Variants in TMCO4 observed in about 807,000 individuals in gnomAD.
TMCO4 encodes the protein transmembrane and coiled-coil domains 4.
TMCO4 carries 58 observed loss-of-function variants against 64.7 expected under a neutral mutation model. The observed-to-expected ratio is 0.90, with a 90% CI of 0.73 to 1.12. The LOEUF (loss-of-function observed/expected upper bound fraction) is 1.12. Among genes scored for constraint, TMCO4 ranks in the 50% most tolerant of loss-of-function variants. TMCO4 has a pLI of 0.00. For synonymous variants in TMCO4, 325 were observed against 346.1 expected, an observed-to-expected ratio of 0.94 and a Z score of 0.68; for missense variants, 780 against 825.9, an observed-to-expected ratio of 0.94 and a Z score of 0.68.
chr1:19,760,570 C>T (rs1183903680), intron 6 of TMCO4, among the ~76,000 whole-genome samples: 2 of 152,216 alleles, frequency 1.3e-5, no homozygotes, highest in East Asian at 3.8e-4. Flanking sequence ...GCATGTGCTT[C>T]CATGCTCTGA....
intron 6 of TMCO4, among the ~76,000 whole-genome samples, chr1:19,764,025 A>G (rs2042622018): frequency 6.6e-6 from 1 of 152,218 alleles, no homozygotes; most frequent in South Asian, 2.1e-4. Context: ...GTCTTGGAGC[A>G]GAGGGGAGAG....
intron 13 of TMCO4, among the ~76,000 whole-genome samples, chr1:19,705,983 C>T (rs1054979685): frequency 1.3e-5 from 2 of 152,144 alleles, no homozygotes; most frequent in Admixed American, 6.5e-5. Context: ...TCACTGCAGC[C>T]TCGACCTCAC....
intron 6 of TMCO4, among the ~76,000 whole-genome samples, chr1:19,766,202 G>A (rs958521869): frequency 6.6e-6 from 1 of 152,016 alleles, no homozygotes; most frequent in African/African-American, 2.4e-5. Flanking sequence ...TGCCCACCAT[G>A]CGTCCATCCG....
At chr1:19,716,165 TTTA>T (rs35582165) in intron 13 of TMCO4, among the ~76,000 whole-genome samples, 12,022 of 144,834 alleles carry the variant, frequency 0.083, 572 homozygotes, top group Non-Finnish European at 0.096. Context: ...TTATTTTTAT[TTTA>T]TTATTATTAT....
chr1:19,755,050 T>C (rs1209788153), intron 7 of TMCO4, among the ~76,000 whole-genome samples: 1 of 152,094 alleles, frequency 6.6e-6, no homozygotes, highest in Non-Finnish European at 1.5e-5. Flanking sequence ...GAGCCTGAGG[T>C]GGAACAGGGT....
intron 2 of TMCO4, among the ~76,000 whole-genome samples, chr1:19,797,479 A>G (rs1025130830): frequency 6.6e-6 from 1 of 152,086 alleles, no homozygotes; most frequent in Non-Finnish European, 1.5e-5. Flanking sequence ...AGGGCTGTTG[A>G]TAAGTGGTCT....
chr1:19,716,687 C>T (rs543404542), intron 13 of TMCO4, among the ~76,000 whole-genome samples: 61 of 152,238 alleles, frequency 4.0e-4, no homozygotes, highest in Middle Eastern at 3.4e-3. Context: ...GCTCCCTGCA[C>T]CTGCTCTCTC....
chr1:19,727,385 C>T (rs911823718), intron 13 of TMCO4, among the ~76,000 whole-genome samples: 3 of 152,220 alleles, frequency 2.0e-5, no homozygotes, highest in African/African-American at 4.8e-5. Context: ...TACACCACTG[C>T]TGATCCCCAC....
chr1:19,686,825 A>G (rs1191553189), intron 15 of TMCO4, among the ~76,000 whole-genome samples: 1 of 152,268 alleles, frequency 6.6e-6, no homozygotes, highest in African/African-American at 2.4e-5. Context: ...CCCCATCTGT[A>G]AAATGAGAGT....
rs1447281104 is a variant in TMCO4, at chr1:19,743,240, A to G, written c.877+2292T>C. 6.6e-6 allele frequency among the ~76,000 whole-genome samples: 1 copy of G among 151,956 alleles called. No homozygotes were observed. The highest frequency in any genetic ancestry group is 2.4e-5 in the African/African-American group (1 of 41,380). On this transcript the variant is annotated intron_variant, in intron 10 of 15. Transcript: ENST00000294543. This position sits in a 1 kb window ranked among gnomAD's most constrained non-coding sequence, Gnocchi z 4.1. ...AAGCCTCAGTTTCCTCATCTGGAAA[A>G]GGGGAGTGCGAATGACAGCCACTTC... is the stretch of plus-strand genomic sequence containing the variant.
chr1:19,706,055 C>T (rs1253336542), intron 13 of TMCO4, among the ~76,000 whole-genome samples: 1 of 152,180 alleles, frequency 6.6e-6, no homozygotes, highest in Non-Finnish European at 1.5e-5. Flanking sequence ...TGTCTGTCAT[C>T]ATCACACCTG....
chr1:19,745,333 T>A (rs1467238500), intron 10 of TMCO4, 199 bp downstream of exon 10: 1 of 781,364 alleles, frequency 1.3e-6, no homozygotes, highest in Non-Finnish European at 2.0e-6. Flanking sequence ...GGTGGGTAGG[T>A]GGATAGATGG....
At chr1:19,733,550 C>T (rs116602840) in intron 13 of TMCO4, among the ~76,000 whole-genome samples, 2,509 of 152,292 alleles carry the variant, frequency 0.016, 56 homozygotes, top group African/African-American at 0.057. Context: ...TCACCCTGTG[C>T]GTGGGCTGGG....
chr1:19,763,718 A>C (rs1002487009), intron 6 of TMCO4, among the ~76,000 whole-genome samples: 1 of 152,174 alleles, frequency 6.6e-6, no homozygotes, highest in Non-Finnish European at 1.5e-5. Flanking sequence ...TTCTAATTAC[A>C]TACTTTTTCT....
chr1:19,736,863 A>G (rs2100824319), intron 13 of TMCO4, among the ~76,000 whole-genome samples: 1 of 152,344 alleles, frequency 6.6e-6, no homozygotes, highest in Middle Eastern at 3.4e-3. Flanking sequence ...AATTAAGTAA[A>G]TGATCTTGAC....
chr1:19,772,344 G>A (rs1194103356), intron 4 of TMCO4, among the ~76,000 whole-genome samples: 1 of 152,128 alleles, frequency 6.6e-6, no homozygotes, highest in Non-Finnish European at 1.5e-5. Flanking sequence ...AAAAGTGGAA[G>A]AAGTGAAGGG....
intron 10 of TMCO4, among the ~76,000 whole-genome samples, chr1:19,742,477 C>A (rs974330094): frequency 6.6e-6 from 1 of 152,202 alleles, no homozygotes; most frequent in African/African-American, 2.4e-5. Context: ...CAGGGTACCA[C>A]GTCCGCACAA....
Position 19,705,383 on chromosome 1 carries a change from G to A in TMCO4, c.1265-4498C>T, listed in dbSNP as rs540655690. Among the ~76,000 whole-genome samples the A allele has an allele frequency of 1.6e-4, 24 of 152,056 alleles. No homozygotes were observed. The South Asian group carries it at 5.0e-3, about 32-fold the overall frequency. ...GGGGAATCGCTTGAACCCAGGAGGC[G>A]GAGATTGCAGTGAGCTAAGATGGTA... is the stretch of plus-strand genomic sequence containing the variant. On this transcript the variant is annotated intron_variant, in intron 13 of 15. Transcript: ENST00000294543.
intron 15 of TMCO4, 99 bp downstream of exon 15, chr1:19,694,335 G>A (rs571209988): frequency 1.2e-4 from 123 of 987,140 alleles, no homozygotes; most frequent in Non-Finnish European, 1.7e-4. Context: ...CTCCTGTGGC[G>A]TGGACCAGGC....
Sources: gnomAD v4.1 joint callset for allele counts (sites outside exome capture counted in the v4.1 genomes callset) on GRCh38, gnomAD v4.1.1 for gene constraint, Gnocchi (gnomAD v3.1) non-coding constraint, MANE v1.5 for transcripts, NCBI Gene and HGNC (gene_info 2026-07-23, HGNC 2026-07-21) for gene names.